EXOC4: variants seen among roughly 807,000 people sequenced by gnomAD.
EXOC4 encodes the protein exocyst complex component 4.
EXOC4 carries 71 observed loss-of-function variants against 107.2 expected under a neutral mutation model. The observed-to-expected ratio is 0.66, with a 90% CI of 0.55 to 0.81. The LOEUF (loss-of-function observed/expected upper bound fraction) is 0.81, where lower values mean the gene tolerates loss of function less well. EXOC4 is among the 30% of genes least tolerant of loss of function. The probability of loss-of-function intolerance (pLI) is 0.00; values close to 1 mark genes in which losing one functional copy is unlikely to be tolerated. For missense variants in EXOC4, 1,108 were observed against 1,189.6 expected (o/e 0.93, Z 1.01); for synonymous variants, 456 against 441.2 (o/e 1.03, Z -0.42).
intron 10 of EXOC4, among the ~76,000 whole-genome samples, chr7:133,766,557 A>G (rs929721005): frequency 2.6e-5 from 4 of 151,980 alleles, no homozygotes; most frequent in African/African-American, 9.7e-5. Flanking sequence ...TAGGGATCTT[A>G]AAGTTAGAGT....
At chr7:133,374,722 C>T in intron 6 of EXOC4, 106 bp from the exon 7 acceptor site, 1 of 877,334 alleles carries the variant, frequency 1.1e-6, no homozygotes. Context: ...ATGCTGTTTA[C>T]ATTGTAGAAT....
intron 13 of EXOC4, among the ~76,000 whole-genome samples, chr7:133,935,521 T>C (rs1800279593): frequency 6.6e-6 from 1 of 152,216 alleles, no homozygotes; most frequent in African/African-American, 2.4e-5. Context: ...GATGAAAGTC[T>C]GGGCTGTAAG....
chr7:134,043,338 G>A (rs1298046873), intron 17 of EXOC4, among the ~76,000 whole-genome samples: 1 of 152,064 alleles, frequency 6.6e-6, no homozygotes, highest in Non-Finnish European at 1.5e-5. Flanking sequence ...GTAGGGGTGG[G>A]ATTTTTTCCC....
intron 1 of EXOC4, among the ~76,000 whole-genome samples, chr7:133,270,920 CTT>C (rs34668596): frequency 1.5e-4 from 21 of 136,250 alleles, no homozygotes; most frequent in Admixed American, 1.5e-4. Context: ...TCATGCTTTG[CTT>C]TTTTTTTTTT....
At chr7:134,062,191 A>C (rs1796077080) in intron 17 of EXOC4, among the ~76,000 whole-genome samples, 1 of 152,206 alleles carries the variant, frequency 6.6e-6, no homozygotes, top group Admixed American at 6.5e-5. Flanking sequence ...CAATCTACAA[A>C]GAGCACTTTC....
chr7:134,087,531 G>A, the EXOC4 span, among the ~76,000 whole-genome samples: 1 of 152,144 alleles, frequency 6.6e-6, no homozygotes, highest in South Asian at 2.1e-4. Context: ...ATTATCCCAA[G>A]TAAGCTAAAT....
intron 1 of EXOC4, among the ~76,000 whole-genome samples, chr7:133,265,444 G>C (rs1374839227): frequency 1.3e-5 from 2 of 152,000 alleles, no homozygotes; most frequent in East Asian, 3.9e-4. Flanking sequence ...CCCAACAAGA[G>C]AGAAGGTAGC....
intron 10 of EXOC4, among the ~76,000 whole-genome samples, chr7:133,787,334 T>TG (rs1491503242): frequency 4.4e-5 from 5 of 113,826 alleles, no homozygotes; most frequent in Non-Finnish European, 1.8e-5. Flanking sequence ...AATAGGCTAA[T>TG]TTGTGTGTGT....
At chr7:133,705,659 G>A (rs1020865350) in intron 10 of EXOC4, among the ~76,000 whole-genome samples, 3 of 152,086 alleles carry the variant, frequency 2.0e-5, no homozygotes, top group African/African-American at 7.2e-5. Flanking sequence ...GTAAAATAAG[G>A]GTTACTTGAA....
Position 133,970,664 on chromosome 7 carries a change from G to A in EXOC4, c.2207-26828G>A, listed in dbSNP as rs147460436. The stretch of plus-strand genomic sequence containing the variant: ...CCCACCCTGCTTCTGCTCACCCTCC[G>A]TGGGCTGCATCCAGTGTCTAACCGG... On this transcript the variant is annotated intron_variant, in intron 14 of 17. Transcript: ENST00000253861. 1.1e-3 allele frequency among the ~76,000 whole-genome samples: 164 copies of A among 152,200 alleles called. 1 individual carries two copies. In the East Asian group the frequency reaches 0.017, roughly 16 times the overall value.
At chr7:133,434,134 A>T (rs1204578802) in intron 7 of EXOC4, among the ~76,000 whole-genome samples, 2 of 152,176 alleles carry the variant, frequency 1.3e-5, no homozygotes, top group Admixed American at 6.5e-5. Context: ...GCATCATTAG[A>T]TGCCAATCCT....
At chr7:133,725,319 A>AT (rs1031997249) in intron 10 of EXOC4, among the ~76,000 whole-genome samples, 14 of 151,898 alleles carry the variant, frequency 9.2e-5, no homozygotes, top group African/African-American at 3.4e-4. Flanking sequence ...CTTAGCAAAA[A>AT]TTTTTTTTCT....
At chr7:133,586,820 C>T (rs1801416134) in intron 9 of EXOC4, among the ~76,000 whole-genome samples, 1 of 151,938 alleles carries the variant, frequency 6.6e-6, no homozygotes, top group Non-Finnish European at 1.5e-5. Flanking sequence ...TCTTTGTATT[C>T]CTTATCCCAT....
chr7:133,992,595 G>A (rs1794290282), intron 14 of EXOC4, among the ~76,000 whole-genome samples: 1 of 151,734 alleles, frequency 6.6e-6, no homozygotes. Context: ...ATTTTTGTAT[G>A]TGGATTTTGT....
chr7:133,690,938 G>T (rs1467593545), intron 10 of EXOC4, among the ~76,000 whole-genome samples: 1 of 152,108 alleles, frequency 6.6e-6, no homozygotes, highest in East Asian at 1.9e-4. Flanking sequence ...GTGATAACTT[G>T]TGATAAGAGT....
At chr7:133,930,418 A>C (rs1207774966) in intron 13 of EXOC4, 1 of 152,178 alleles carries the variant, frequency 6.6e-6, no homozygotes, top group Non-Finnish European at 1.5e-5. Flanking sequence ...TTTCCATGCA[A>C]TTGTGTTCCA....
downstream of EXOC4, among the ~76,000 whole-genome samples, chr7:134,067,676 G>A (rs929026324): frequency 2.0e-3 from 3 of 1,490 alleles, no homozygotes; most frequent in African/African-American, 3.5e-3. Flanking sequence ...CACACACACA[G>A]GCAATTGTGT....
chr7:133,931,692 A>C (rs1800179157), intron 13 of EXOC4, among the ~76,000 whole-genome samples: 1 of 152,166 alleles, frequency 6.6e-6, no homozygotes, highest in South Asian at 2.1e-4. Flanking sequence ...ATACTAATGC[A>C]TTTGAACTTA....
intron 9 of EXOC4, among the ~76,000 whole-genome samples, chr7:133,481,309 G>T (rs372833655): frequency 6.6e-6 from 1 of 152,110 alleles, no homozygotes; most frequent in South Asian, 2.1e-4. Flanking sequence ...AATTGCTAGA[G>T]AAATTACAAG....
Sources: gnomAD v4.1 joint callset for allele counts (sites outside exome capture counted in the v4.1 genomes callset) on GRCh38, gnomAD v4.1.1 for gene constraint, MANE v1.5 for transcripts, NCBI Gene and HGNC (gene_info 2026-07-23, HGNC 2026-07-21) for gene names.